UNC13C: variants seen among roughly 807,000 people sequenced by gnomAD.
The protein encoded by UNC13C is protein unc-13 homolog C.
A neutral mutation model predicts 245.4 loss-of-function variants in UNC13C; 174 were observed. The ratio of observed to expected loss-of-function variants is 0.71; its 90% CI spans 0.63 to 0.80. UNC13C has a LOEUF of 0.80. Ranked by LOEUF, UNC13C falls within the 30% of genes least tolerant of loss-of-function variation. The pLI is 0.00. For synonymous variants in UNC13C, 992 were observed against 895.1 expected, an observed-to-expected ratio of 1.11 and a Z score of -1.93; for missense variants, 2,829 against 2,602.9, an observed-to-expected ratio of 1.09 and a Z score of -1.89.
intron 17 of UNC13C, among the ~76,000 whole-genome samples, chr15:54,391,707 C>A (rs888116964): frequency 2.0e-5 from 3 of 152,034 alleles, no homozygotes; most frequent in South Asian, 2.1e-4. Flanking sequence ...ACATCTGTTG[C>A]ATTTCAAACA....
intron 7 of UNC13C, among the ~76,000 whole-genome samples, chr15:54,248,742 G>C (rs2036063902): frequency 6.6e-6 from 1 of 152,088 alleles, no homozygotes; most frequent in South Asian, 2.1e-4. Flanking sequence ...AAAGAGCTCT[G>C]GATTGTCCAG....
intron 17 of UNC13C, among the ~76,000 whole-genome samples, chr15:54,392,719 CTAA>C (rs971366083): frequency 6.2e-4 from 94 of 151,778 alleles, no homozygotes; most frequent in African/African-American, 2.2e-3. Flanking sequence ...GGCATAATTT[CTAA>C]TAATAATAAT....
At chr15:54,285,466 A>AATC (rs2037119924) in intron 10 of UNC13C, among the ~76,000 whole-genome samples, 1 of 152,240 alleles carries the variant, frequency 6.6e-6, no homozygotes, top group South Asian at 2.1e-4. Context: ...ATTCATGATC[A>AATC]ATCACTAATA....
intron 14 of UNC13C, among the ~76,000 whole-genome samples, chr15:54,328,399 A>G (rs1447923072): frequency 6.6e-6 from 1 of 152,064 alleles, no homozygotes; most frequent in Non-Finnish European, 1.5e-5. Context: ...AAAAACTGTT[A>G]CAATTTGCTT....
chr15:54,494,416 A>G (rs112008908), intron 19 of UNC13C, among the ~76,000 whole-genome samples, 192 bp from the exon 20 acceptor site: 33 of 152,104 alleles, frequency 2.2e-4, no homozygotes, highest in African/African-American at 7.0e-4. Context: ...TGCTTGACCT[A>G]TTCTATGTGG....
intron 18 of UNC13C, among the ~76,000 whole-genome samples, chr15:54,414,425 T>C (rs1034924938): frequency 2.0e-5 from 3 of 152,084 alleles, no homozygotes; most frequent in African/African-American, 7.2e-5. Context: ...GGTGGTTGAA[T>C]CACCTGAGGT....
intron 16 of UNC13C, among the ~76,000 whole-genome samples, chr15:54,334,503 T>C (rs532031432): frequency 6.6e-6 from 1 of 152,212 alleles, no homozygotes; most frequent in East Asian, 1.9e-4. Context: ...AGTATTACGA[T>C]GCTTATTCAG....
At chr15:53,874,758 C>G in the UNC13C span, among the ~76,000 whole-genome samples, 1 of 152,170 alleles carries the variant, frequency 6.6e-6, no homozygotes, top group African/African-American at 2.4e-5. Flanking sequence ...TCACTTGGCA[C>G]TTCCACATAT....
intron 15 of UNC13C, among the ~76,000 whole-genome samples, chr15:54,333,523 C>A (rs2038494980): frequency 6.6e-6 from 1 of 151,946 alleles, no homozygotes; most frequent in African/African-American, 2.4e-5. Context: ...TATTGTTTTG[C>A]ATTTATTGCA....
intron 4 of UNC13C, among the ~76,000 whole-genome samples, chr15:54,181,496 T>C (rs12901754): frequency 6.8e-6 from 1 of 147,790 alleles, no homozygotes; most frequent in Non-Finnish European, 1.5e-5. Flanking sequence ...TTTGTTTTTG[T>C]TTTTTCTTCT....
chr15:54,291,421 T>A (rs1393682878), intron 10 of UNC13C, among the ~76,000 whole-genome samples: 1 of 152,082 alleles, frequency 6.6e-6, no homozygotes, highest in Non-Finnish European at 1.5e-5. Flanking sequence ...AATTATTTTT[T>A]CTTCAAATGT....
chr15:53,976,194 A>T (rs1444858219), upstream of UNC13C, among the ~76,000 whole-genome samples: 1 of 152,168 alleles, frequency 6.6e-6, no homozygotes, highest in African/African-American at 2.4e-5. Flanking sequence ...CCTCACATAC[A>T]TGTTTCCTGC....
At chr15:54,485,682 G>T (rs543239725) in intron 19 of UNC13C, among the ~76,000 whole-genome samples, 129 of 152,298 alleles carry the variant, frequency 8.5e-4, no homozygotes, top group African/African-American at 3.0e-3. Flanking sequence ...ATGTGACCTA[G>T]TCCGGGTTTC....
At chr15:54,351,104 A>G (rs544253099) in intron 17 of UNC13C, among the ~76,000 whole-genome samples, 3 of 152,306 alleles carry the variant, frequency 2.0e-5, no homozygotes, top group East Asian at 1.9e-4. Flanking sequence ...TAGTAAGTCA[A>G]ATTACTCCAA....
At chr15:54,588,920 T>C (rs576990996) in intron 30 of UNC13C, among the ~76,000 whole-genome samples, 4 of 152,358 alleles carry the variant, frequency 2.6e-5, no homozygotes, top group African/African-American at 9.6e-5. Context: ...AGTTTTGCAA[T>C]TGTGAATTGT....
chr15:54,344,167 C>G (rs1052289546), intron 17 of UNC13C, among the ~76,000 whole-genome samples: 2 of 152,162 alleles, frequency 1.3e-5, no homozygotes, highest in African/African-American at 4.8e-5. Flanking sequence ...GAATCTTTAT[C>G]ATTTCCTCAT....
At chr15:54,290,625 A>T (rs747768552) in intron 10 of UNC13C, among the ~76,000 whole-genome samples, 1 of 152,088 alleles carries the variant, frequency 6.6e-6, no homozygotes, top group Admixed American at 6.6e-5. Context: ...AGACACATGC[A>T]TATGTGTGTA....
At chr15:54,585,229 T>A (rs1898426526) in intron 30 of UNC13C, among the ~76,000 whole-genome samples, 1 of 152,182 alleles carries the variant, frequency 6.6e-6, no homozygotes, top group Non-Finnish European at 1.5e-5. Flanking sequence ...GGGCAGATCC[T>A]TCATGAATGG....
At chr15:54,289,302 C>T (rs888620855) in intron 10 of UNC13C, among the ~76,000 whole-genome samples, 11 of 152,136 alleles carry the variant, frequency 7.2e-5, no homozygotes, top group Middle Eastern at 3.4e-3. Flanking sequence ...AATCACTTGC[C>T]AACATTCTGA....
Sources: allele counts gnomAD v4.1 joint callset (sites outside exome capture counted in the v4.1 genomes callset), GRCh38; gene constraint gnomAD v4.1.1; transcripts MANE v1.5; gene names NCBI Gene and HGNC (gene_info 2026-07-23, HGNC 2026-07-21).